Variants in VLDLR observed in about 807,000 individuals in gnomAD.
VLDLR encodes the protein very low-density lipoprotein receptor.
VLDLR carries 81 observed loss-of-function variants against 112.7 expected under a neutral mutation model. That is an observed-to-expected ratio of 0.72 (90% confidence interval 0.60 to 0.86). The LOEUF is 0.86. Among genes scored for constraint, VLDLR ranks in the 40% least tolerant of loss-of-function variants. The pLI is 0.00. For synonymous variants in VLDLR, 436 were observed against 384.8 expected (o/e 1.13, Z -1.56); for missense variants, 1,237 against 1,099.4 (o/e 1.13, Z -1.77).
At position 2,622,218 on chromosome 9, in the gene VLDLR, G is replaced by C; in HGVS notation, c.29G>C (p.Trp10Ser). The C allele has an allele frequency of 1.3e-6, 2 of 1,506,018 alleles. No individual in the cohort carries two copies. The highest frequency in any genetic ancestry group is 1.8e-6 in the Non-Finnish European group (2 of 1,134,246). 93.3% of individuals were successfully genotyped at this position (1,506,018 alleles called of 1,614,324 possible). A position where few individuals can be genotyped will look rare whatever the true frequency, so the allele number is the denominator to read the frequency against. ...GGCACGTCCGCGCTCTGGGCGCTCTGGCTGCTGCTCGCGCTGTGCTGGGCG... is the reference window on the plus strand; with the variant it reads ...GGCACGTCCGCGCTCTGGGCGCTCTCGCTGCTGCTCGCGCTGTGCTGGGCG... MGTSALWAL[W>S]LLLALCWAPR... Residue 10 changes from tryptophan (W) to serine (S), a missense_variant, in exon 1 of 19, where the codon TGG becomes TCG. Coordinates refer to ENST00000382100, the MANE Select transcript of VLDLR (RefSeq NM_003383.5).
chr9:2,642,019 T>C (rs1472931323), intron 4 of VLDLR, among the ~76,000 whole-genome samples: 4 of 151,414 alleles, frequency 2.6e-5, no homozygotes, highest in Non-Finnish European at 4.4e-5. Context: ...TTGCCTCAGA[T>C]ACCCAAAGAA....
At chr9:2,651,523 G>C in intron 16 of VLDLR, 25 bp downstream of exon 16, 1 of 1,584,042 alleles carries the variant, frequency 6.3e-7, no homozygotes, top group South Asian at 1.1e-5. Flanking sequence ...ACTGCAAACT[G>C]TTAATCTCAA....
At position 2,653,947 on chromosome 9, in the gene VLDLR, GTC is replaced by G. The variant is rs2130813379; in HGVS notation, c.*83_*84del. ...AATGGTAACCGAGCCAGCAGCTGAAGTCTCTTTTTCTTCCTCTCGGCTGGAAG... is the reference window on the plus strand; with the variant it reads ...AATGGTAACCGAGCCAGCAGCTGAAGTCTTTTTCTTCCTCTCGGCTGGAAG... On this transcript the variant is annotated 3_prime_UTR_variant, in exon 19 of 19. Transcript: ENST00000382100. 6.7e-7 allele frequency: 1 copy of G among 1,492,670 alleles called. No individual in the cohort carries two copies. Among genetic ancestry groups the G allele is most frequent in the Non-Finnish European group, 9.3e-7 (1 of 1,070,384 alleles). 92.5% of individuals were successfully genotyped at this position (1,492,670 alleles called of 1,614,324 possible).
intron 14 of VLDLR, among the ~76,000 whole-genome samples, chr9:2,649,313 G>T (rs1255592745): frequency 1.3e-5 from 2 of 152,194 alleles, no homozygotes; most frequent in African/African-American, 4.8e-5. Context: ...TTCTTGGTCT[G>T]TTGATGGTGC....
chr9:2,650,573 AC>A, intron 15 of VLDLR, 57 bp downstream of exon 15: 1 of 1,604,706 alleles, frequency 6.2e-7, no homozygotes, highest in South Asian at 1.1e-5. Flanking sequence ...ATATAATAAG[AC>A]ACAAGCTTGG....
At chr9:2,644,253 G>T (rs1439983395) in intron 7 of VLDLR, among the ~76,000 whole-genome samples, 1 of 149,058 alleles carries the variant, frequency 6.7e-6, no homozygotes, top group East Asian at 2.0e-4. Flanking sequence ...CTGCCTCCCG[G>T]GTTCAAGCAG....
chr9:2,646,480 G>C lies in VLDLR; in HGVS notation c.1631G>C (p.Gly544Ala), dbSNP rs1162714183. 2 of 1,614,022 alleles carry C rather than the reference G, an allele frequency of 1.2e-6. No individual in the cohort carries two copies. Among genetic ancestry groups the C allele is most frequent in the African/African-American group, 1.3e-5 (1 of 74,914 alleles). Residue 544 changes from glycine to alanine, a missense_variant, in exon 11 of 19, where the codon GGA becomes GCA. Gly to Ala is a moderately conservative substitution (Grantham distance 60). Coordinates refer to ENST00000382100, the MANE Select transcript of VLDLR (RefSeq NM_003383.5). ...ACTATTTCAGTAGCTACCCTAGATG[G>C]AACCAAGAGGAAGTTCCTGTTTAAC... ...SKTISVATLD[G>A]TKRKFLFNSD...
At chr9:2,638,745 G>C (rs575913241) in intron 2 of VLDLR, among the ~76,000 whole-genome samples, 83 of 152,196 alleles carry the variant, frequency 5.5e-4, no homozygotes, top group Non-Finnish European at 9.8e-4. Flanking sequence ...GTAACCCTAA[G>C]TATAGGGGAA....
chr9:2,627,822 G>A (rs1437648711), intron 1 of VLDLR, among the ~76,000 whole-genome samples: 4 of 146,914 alleles, frequency 2.7e-5, no homozygotes, highest in East Asian at 2.0e-4. Flanking sequence ...CCGAGATAAC[G>A]CCACTGCACT....
chr9:2,657,302 T>A lies in VLDLR; in HGVS notation c.*3434T>A, dbSNP rs1451588078. On this transcript the variant is annotated 3_prime_UTR_variant, in exon 19 of 19. Coordinates refer to ENST00000382100, the MANE Select transcript of VLDLR (RefSeq NM_003383.5). ...TGAAAGCTATACTGTTTGCTTTCAA[T>A]GGTGGCAAAAACTTGCAAAAAGCAG... The A allele has an allele frequency of 6.6e-6, 1 of 152,246 alleles. No homozygotes were observed. Among genetic ancestry groups the A allele is most frequent in the Non-Finnish European group, 1.5e-5 (1 of 68,038 alleles). 9.4% of individuals were successfully genotyped at this position (152,246 alleles called of 1,614,324 possible). A position where few individuals can be genotyped will look rare whatever the true frequency, so the allele number is the denominator to read the frequency against.
In VLDLR at chr9:2,641,435, C is replaced by A; in HGVS notation, c.384C>A (p.Ile128=). 4 of 1,614,146 alleles carry A rather than the reference C, an allele frequency of 2.5e-6. No individual in the cohort carries two copies. The highest frequency in any genetic ancestry group is 3.4e-6 in the Non-Finnish European group (4 of 1,180,036). The change falls in exon 4 of 19, where the codon ATC becomes ATA. Residue 128 remains isoleucine, a synonymous_variant. Transcript: ENST00000382100. ...ISCGAHSTQC[I]PVSWRCDGEN... ...GTGGCGCCCATTCTACTCAGTGTAT[C>A]CCAGTGTCCTGGAGATGTGATGGTG...
At chr9:2,652,093 C>A in intron 17 of VLDLR, 139 bp downstream of exon 17, 1 of 782,902 alleles carries the variant, frequency 1.3e-6, no homozygotes. Context: ...TCGCTTTCTC[C>A]CCCACATAAT....
At position 2,660,049 on chromosome 9, in the gene VLDLR, T is replaced by G. The variant is rs1332799772; in HGVS notation, c.*6181T>G. Reference sequence around the variant, plus strand: ...GTACATTTAAATAAAAGTTTATTTTTGGGATAATTGTGAGCCTTTCCTTTC... The same window carrying G: ...GTACATTTAAATAAAAGTTTATTTTGGGGATAATTGTGAGCCTTTCCTTTC... On this transcript the variant is annotated 3_prime_UTR_variant, in exon 19 of 19. Coordinates refer to ENST00000382100, the MANE Select transcript of VLDLR (RefSeq NM_003383.5). 1 of 139,252 alleles carries G rather than the reference T, an allele frequency of 7.2e-6. No individual in the cohort carries two copies. Among genetic ancestry groups the G allele is most frequent in the Non-Finnish European group, 1.6e-5 (1 of 64,104 alleles). The allele number at this position is 139,252 out of a possible 1,614,324, so 8.6% of individuals were successfully genotyped here.
At chr9:2,633,993 A>T (rs1008679837) in intron 1 of VLDLR, among the ~76,000 whole-genome samples, 2 of 152,194 alleles carry the variant, frequency 1.3e-5, no homozygotes, top group African/African-American at 4.8e-5. Context: ...TAAAACGTGA[A>T]GAATGAAAAA....
chr9:2,637,337 C>T (rs1489952297), intron 2 of VLDLR, among the ~76,000 whole-genome samples: 2 of 152,142 alleles, frequency 1.3e-5, no homozygotes, highest in African/African-American at 4.8e-5. Flanking sequence ...TCAACTTAAC[C>T]TTAGATTCTA....
At chr9:2,632,422 A>C (rs13285847) in intron 1 of VLDLR, among the ~76,000 whole-genome samples, 4,562 of 152,252 alleles carry the variant, frequency 0.03, 106 homozygotes, top group Middle Eastern at 0.065. Flanking sequence ...GTATTTTTTG[A>C]GGTGTCATTG....
At position 2,639,901 on chromosome 9, in the gene VLDLR, G is replaced by T. The variant is rs1383933853; in HGVS notation, c.245G>T (p.Gly82Val). The change falls in exon 3 of 19, where the codon GGC becomes GTC. Residue 82 changes from glycine to valine, a missense_variant. Gly to Val is a moderately radical substitution (Grantham distance 109). Coordinates refer to ENST00000382100, the MANE Select transcript of VLDLR (RefSeq NM_003383.5). Reference protein sequence around the residue: ...CAESDFVCNNGQCVPSRWKCD... With the variant: ...CAESDFVCNNVQCVPSRWKCD... Reference sequence around the variant, plus strand: ...GAATCTGACTTCGTGTGCAACAATGGCCAGTGTGTTCCCAGCCGATGGAAG... The same window carrying T: ...GAATCTGACTTCGTGTGCAACAATGTCCAGTGTGTTCCCAGCCGATGGAAG... The T allele has an allele frequency of 6.2e-7, 1 of 1,614,126 alleles. No homozygotes were observed. Among genetic ancestry groups the T allele is most frequent in the Admixed American group, 1.7e-5 (1 of 60,012 alleles).
chr9:2,640,098 G>T lies in VLDLR; in HGVS notation c.325+117G>T. 3 of 1,552,180 alleles carry T rather than the reference G, an allele frequency of 1.9e-6. No individual in the cohort carries two copies. The South Asian group carries it at 3.4e-5, about 17-fold the overall frequency. Reference sequence around the variant, plus strand: ...TTTTCTTTGCCTGCCTTAAAGTTTAGGTCAATTGACTCCAAGGGCAGTCAA... The same window carrying T: ...TTTTCTTTGCCTGCCTTAAAGTTTATGTCAATTGACTCCAAGGGCAGTCAA... On this transcript the variant is annotated intron_variant, in intron 3 of 18. Transcript: ENST00000382100.
intron 12 of VLDLR, 34 bp from the exon 13 acceptor site, chr9:2,648,174 C>CT: frequency 6.2e-7 from 1 of 1,612,658 alleles, no homozygotes. Context: ...GTAGTAGTGG[C>CT]TTGTCATGTA....
Sources: gnomAD v4.1 joint callset for allele counts (sites outside exome capture counted in the v4.1 genomes callset) on GRCh38, gnomAD v4.1.1 for gene constraint, MANE v1.5 for transcripts, NCBI Gene and HGNC (gene_info 2026-07-23, HGNC 2026-07-21) for gene names.